The following LUZP2 variants were observed in gnomAD, a reference collection of about 807,000 sequenced individuals.
The protein encoded by LUZP2 is leucine zipper protein 2.
Under a neutral mutation model 51.6 loss-of-function variants are expected in LUZP2, and 52 were observed. The observed-to-expected ratio is 1.01, with a 90% CI of 0.81 to 1.27. The LOEUF is 1.27. LUZP2 is among the 50% of genes most tolerant of loss of function. LUZP2 has a pLI of 0.00. For missense variants in LUZP2, 436 were observed against 395.4 expected, an observed-to-expected ratio of 1.10 and a Z score of -0.87; for synonymous variants, 154 against 137.3, an observed-to-expected ratio of 1.12 and a Z score of -0.85.
In LUZP2 at chr11:24,967,418, T is replaced by C. The variant is rs190548008; in HGVS notation, c.523-9173T>C. ...TGTTTTGTAATTTTCAACACAAATG[T>C]TTTTAACATTCTTCATTAAATTTTT... On this transcript the variant is annotated intron_variant, in intron 7 of 11. Coordinates refer to ENST00000336930, the MANE Select transcript of LUZP2 (RefSeq NM_001009909.4). 1.5e-3 allele frequency among the ~76,000 whole-genome samples: 229 copies of C among 152,100 alleles called. 1 individual carries two copies. Among genetic ancestry groups the C allele is most frequent in the African/African-American group, 5.4e-3 (223 of 41,546 alleles).
intron 1 of LUZP2, among the ~76,000 whole-genome samples, chr11:24,605,638 A>G (rs1853891119): frequency 6.6e-6 from 1 of 151,994 alleles, no homozygotes; most frequent in African/African-American, 2.4e-5. Context: ...ACAAAATACA[A>G]CTGTGTATAT....
chr11:24,776,936 A>C (rs929582417), intron 5 of LUZP2, among the ~76,000 whole-genome samples: 1 of 151,612 alleles, frequency 6.6e-6, no homozygotes, highest in Non-Finnish European at 1.5e-5. Flanking sequence ...GATGGTGCCT[A>C]TACAGCCTTC....
In LUZP2 at chr11:25,082,628, T is replaced by A. The variant is rs1032700912; in HGVS notation, c.*3970T>A. 2.6e-5 allele frequency: 4 copies of A among 152,170 alleles called. No individual in the cohort carries two copies. The highest frequency in any genetic ancestry group is 9.7e-5 in the African/African-American group (4 of 41,450). 9.4% of individuals were successfully genotyped at this position (152,170 alleles called of 1,614,324 possible). On this transcript the variant is annotated 3_prime_UTR_variant, in exon 12 of 12. Transcript: ENST00000336930. ...TGGCCTATTTTTGTTCAATAAAGAT[T>A]GTTACAAGAATACAATGTATATTAT...
intron 1 of LUZP2, among the ~76,000 whole-genome samples, chr11:24,623,424 T>C (rs919726385): frequency 3.5e-4 from 53 of 152,246 alleles, no homozygotes; most frequent in African/African-American, 1.2e-3. Context: ...ATGACACAGA[T>C]TCATATAGAA....
At chr11:24,507,277 T>A (rs1399998204) in intron 1 of LUZP2, among the ~76,000 whole-genome samples, 2 of 152,116 alleles carry the variant, frequency 1.3e-5, no homozygotes, top group Non-Finnish European at 2.9e-5. Context: ...ATTGCAGAAC[T>A]ATAAACTCTA....
At chr11:24,797,213 G>GATAGTA in intron 5 of LUZP2, among the ~76,000 whole-genome samples, 1 of 152,258 alleles carries the variant, frequency 6.6e-6, no homozygotes, top group East Asian at 1.9e-4. Context: ...ATTACGATAT[G>GATAGTA]TCATAATGAA....
chr11:24,974,638 G>A (rs911126555), intron 7 of LUZP2, among the ~76,000 whole-genome samples: 1 of 151,920 alleles, frequency 6.6e-6, no homozygotes, highest in African/African-American at 2.4e-5. Context: ...TTGGGTTTCT[G>A]TTTCACAAGA....
intron 9 of LUZP2, among the ~76,000 whole-genome samples, chr11:24,987,805 G>GT (rs995562211): frequency 5.9e-5 from 9 of 151,784 alleles, no homozygotes; most frequent in African/African-American, 2.2e-4. Context: ...TTACAAAGTA[G>GT]TTTTTTAAGA....
At chr11:24,553,822 C>T (rs1047367173) in intron 1 of LUZP2, among the ~76,000 whole-genome samples, 2 of 152,098 alleles carry the variant, frequency 1.3e-5, no homozygotes, top group African/African-American at 4.8e-5. Context: ...ACATGCTTTA[C>T]ATGGGCAGGA....
intron 9 of LUZP2, 24 bp downstream of exon 9, chr11:24,983,317 T>C (rs138227810): frequency 6.2e-7 from 1 of 1,607,294 alleles, no homozygotes; most frequent in South Asian, 1.1e-5. Context: ...ATTTGCGCTT[T>C]GTAAAGTAAC....
intron 1 of LUZP2, among the ~76,000 whole-genome samples, chr11:24,514,434 G>A (rs889096304): frequency 3.3e-5 from 5 of 152,160 alleles, no homozygotes; most frequent in South Asian, 4.1e-4. Context: ...CAGCTGAGAA[G>A]GAGAGCAGCC....
intron 4 of LUZP2, chr11:24,751,457 A>G (rs914912519): frequency 4.6e-5 from 15 of 322,716 alleles, no homozygotes; most frequent in African/African-American, 3.4e-4. Context: ...CCCCTTAGAA[A>G]TCAATGGCAA....
chr11:24,972,139 G>GA (rs10701148), intron 7 of LUZP2, among the ~76,000 whole-genome samples: 1,636 of 32,778 alleles, frequency 0.05, 376 homozygotes, highest in African/African-American at 0.18. Flanking sequence ...GTGAGACTCC[G>GA]AAAAAAAAAA....
intron 1 of LUZP2, among the ~76,000 whole-genome samples, chr11:24,518,134 CAAAT>C (rs748204187): frequency 6.6e-6 from 1 of 151,926 alleles, no homozygotes; most frequent in East Asian, 1.9e-4. Context: ...TGAATTCAAA[CAAAT>C]AAAAAATTAG....
rs1357028163 is a variant in LUZP2, at chr11:24,831,277, C to T, written c.396+67969C>T. Among the ~76,000 whole-genome samples, 3 of 152,068 alleles carry T rather than the reference C, an allele frequency of 2.0e-5. No individual in the cohort carries two copies. The South Asian group carries it at 6.2e-4, about 32-fold the overall frequency. On this transcript the variant is annotated intron_variant, in intron 5 of 11. Transcript: ENST00000336930. ...AGCTCATGATTTAAGCTCTTTATGC[C>T]AAAGGCAGAGATATTCAGCTCTACA...
At chr11:24,786,192 T>C (rs1324566771) in intron 5 of LUZP2, 2 of 966,394 alleles carry the variant, frequency 2.1e-6, no homozygotes, top group African/African-American at 3.5e-5. Flanking sequence ...AAGCATATTA[T>C]ATATTTTATA....
chr11:24,713,448 G>A (rs1042170703), intron 1 of LUZP2, among the ~76,000 whole-genome samples: 1 of 152,002 alleles, frequency 6.6e-6, no homozygotes, highest in Non-Finnish European at 1.5e-5. Context: ...CTTTCTTTTT[G>A]ATGTTTATTT....
chr11:24,585,163 G>A (rs1462111923), intron 1 of LUZP2, among the ~76,000 whole-genome samples: 1 of 152,018 alleles, frequency 6.6e-6, no homozygotes, highest in African/African-American at 2.4e-5. Flanking sequence ...CATAAACATA[G>A]GTAAATTTAC....
chr11:24,967,861 A>G (rs1332173717), intron 7 of LUZP2, among the ~76,000 whole-genome samples: 1 of 152,144 alleles, frequency 6.6e-6, no homozygotes, highest in South Asian at 2.1e-4. Context: ...ATTGGTTATC[A>G]TCATCTAGTC....
Sources: gnomAD v4.1 joint callset for allele counts (sites outside exome capture counted in the v4.1 genomes callset) on GRCh38, gnomAD v4.1.1 for gene constraint, MANE v1.5 for transcripts, NCBI Gene and HGNC (gene_info 2026-07-23, HGNC 2026-07-21) for gene names.